Variants in CD96 observed in about 807,000 individuals in gnomAD.
The protein encoded by CD96 is T-cell surface protein tactile.
In CD96, 70 loss-of-function variants were observed where a neutral mutation model predicts 71.3. The observed-to-expected ratio is 0.98, with a 90% CI of 0.81 to 1.20. The LOEUF (loss-of-function observed/expected upper bound fraction) is 1.20, where lower values mean the gene tolerates loss of function less well. CD96 is among the 50% of genes most tolerant of loss of function. The pLI is 0.00. For synonymous variants in CD96, 248 were observed against 233.0 expected (o/e 1.06, Z -0.59); for missense variants, 742 against 677.5 (o/e 1.10, Z -1.06).
At chr3:111,542,865 C>T (rs1056709514) in intron 1 of CD96, among the ~76,000 whole-genome samples, 12 of 152,098 alleles carry the variant, frequency 7.9e-5, no homozygotes, top group African/African-American at 2.7e-4. Context: ...GAACGAGAGC[C>T]TAATGGGCCT....
chr3:111,570,977 G>GA (rs1351855205), intron 3 of CD96: 13 of 1,527,596 alleles, frequency 8.5e-6, no homozygotes, highest in Non-Finnish European at 1.2e-5. Context: ...CCACCAGAGT[G>GA]AAAAGCTGGG....
chr3:111,608,732 G>A (rs1018106117), intron 8 of CD96, among the ~76,000 whole-genome samples: 3 of 152,172 alleles, frequency 2.0e-5, no homozygotes, highest in African/African-American at 4.8e-5. Flanking sequence ...ACAGAGTAGA[G>A]AGTCAAAAAC....
chr3:111,548,676 T>C (rs1934539423), intron 2 of CD96, among the ~76,000 whole-genome samples: 1 of 152,178 alleles, frequency 6.6e-6, no homozygotes, highest in Non-Finnish European at 1.5e-5. Context: ...AATGCCTTGG[T>C]GGGCTGTTAA....
chr3:111,645,336 A>G (rs1439150051), intron 12 of CD96, among the ~76,000 whole-genome samples: 1 of 152,120 alleles, frequency 6.6e-6, no homozygotes, highest in Non-Finnish European at 1.5e-5. Context: ...ACGCAAAGAC[A>G]TAAGAATGAC....
intron 4 of CD96, among the ~76,000 whole-genome samples, chr3:111,584,764 G>A (rs961791583): frequency 2.0e-5 from 3 of 152,122 alleles, no homozygotes; most frequent in Admixed American, 2.0e-4. Flanking sequence ...CACAACACAT[G>A]GGAATTCTGG....
intron 5 of CD96, among the ~76,000 whole-genome samples, chr3:111,588,247 A>G (rs1294967462): frequency 6.6e-6 from 1 of 152,218 alleles, no homozygotes; most frequent in African/African-American, 2.4e-5. Context: ...TAAATCATCT[A>G]TCTTAAGTTC....
rs185599439 is a variant in CD96 at position 111,577,296 on chromosome 3, A to G, written c.544-1731A>G. 3.9e-5 allele frequency among the ~76,000 whole-genome samples: 6 copies of G among 152,264 alleles called. No individual in the cohort carries two copies. The East Asian group carries it at 1.2e-3, about 29-fold the overall frequency. ...AACTCTAAAATCCTGACACACAAAAAAGCAAGAGGCTGCCAAACGTACCTG... is the reference window on the plus strand; with the variant it reads ...AACTCTAAAATCCTGACACACAAAAGAGCAAGAGGCTGCCAAACGTACCTG... On this transcript the variant is annotated intron_variant, in intron 3 of 13. Transcript: ENST00000352690.
rs74763644 is a variant in CD96 at position 111,604,900 on chromosome 3, G to T, written c.1088-1800G>T. The stretch of plus-strand genomic sequence containing the variant: ...TAAAAGAAAAAAAGGGAAAAACTGT[G>T]TTCCAATAAAATTTTTATAAACATG... On this transcript the variant is annotated intron_variant, in intron 7 of 13. Transcript: ENST00000352690. 7.8e-3 allele frequency among the ~76,000 whole-genome samples: 1,184 copies of T among 152,266 alleles called. 13 individuals are homozygous for T. The highest frequency in any genetic ancestry group is 0.027 in the African/African-American group (1,113 of 41,546).
chr3:111,644,000 T>G lies in CD96; in HGVS notation c.1478-3543T>G, dbSNP rs1227645320. Among the ~76,000 whole-genome samples, 4 of 152,140 alleles carry G rather than the reference T, an allele frequency of 2.6e-5. No individual in the cohort carries two copies. In the East Asian group the frequency reaches 7.7e-4, roughly 29 times the overall value. ...AGAAAAAACAATCCTAAAATTCATA[T>G]GGAACCAAAAAAGAGCCCACATAAC... On this transcript the variant is annotated intron_variant, in intron 12 of 13. Transcript: ENST00000352690.
At chr3:111,583,829 G>A (rs1040208333) in intron 4 of CD96, among the ~76,000 whole-genome samples, 4 of 152,218 alleles carry the variant, frequency 2.6e-5, no homozygotes, top group African/African-American at 4.8e-5. Context: ...TTCCTCCTGG[G>A]CCTCTGGACC....
chr3:111,649,924 G>C lies in CD96; in HGVS notation c.*118G>C. 1.3e-6 allele frequency: 1 copy of C among 755,132 alleles called. No individual in the cohort carries two copies. The highest frequency in any genetic ancestry group is 2.4e-6 in the Non-Finnish European group (1 of 425,148). 46.8% of individuals were successfully genotyped at this position (755,132 alleles called of 1,614,324 possible). A position where few individuals can be genotyped will look rare whatever the true frequency, so the allele number is the denominator to read the frequency against. On this transcript the variant is annotated 3_prime_UTR_variant, in exon 14 of 14. Coordinates refer to ENST00000352690, the MANE Select transcript of CD96 (RefSeq NM_005816.5). ...TGCCTTTGCTGCAGCTGAAATGGAA[G>C]TCAGAAGTGAGTGACCTGTTTTCCC...
At chr3:111,601,757 A>T (rs1937506787) in intron 7 of CD96, among the ~76,000 whole-genome samples, 1 of 152,246 alleles carries the variant, frequency 6.6e-6, no homozygotes, top group African/African-American at 2.4e-5. Context: ...TAACATACTC[A>T]TAAAAACACA....
chr3:111,568,596 C>A (rs1011005021), intron 3 of CD96, among the ~76,000 whole-genome samples: 3 of 152,170 alleles, frequency 2.0e-5, no homozygotes, highest in African/African-American at 7.2e-5. Flanking sequence ...TGTCCCTTAA[C>A]AAAACTGCAT....
chr3:111,576,116 C>T (rs1415703962), intron 3 of CD96, among the ~76,000 whole-genome samples: 1 of 152,312 alleles, frequency 6.6e-6, no homozygotes, highest in East Asian at 1.9e-4. Flanking sequence ...TATGTTACCT[C>T]ATTAAATCTA....
At chr3:111,632,085 A>G (rs1939093150) in intron 10 of CD96, among the ~76,000 whole-genome samples, 1 of 152,206 alleles carries the variant, frequency 6.6e-6, no homozygotes, top group Non-Finnish European at 1.5e-5. Context: ...TGAAGATGCC[A>G]AAAGCAATTG....
chr3:111,658,732 A>C (rs923745473), intron 14 of CD96, among the ~76,000 whole-genome samples: 1 of 152,204 alleles, frequency 6.6e-6, no homozygotes, highest in African/African-American at 2.4e-5. Context: ...TCACCTATGG[A>C]GTATTAGGGC....
chr3:111,557,818 T>C (rs1935151319), intron 2 of CD96, among the ~76,000 whole-genome samples: 1 of 130,446 alleles, frequency 7.7e-6, no homozygotes, highest in East Asian at 2.3e-4. Context: ...TTTCACGATA[T>C]TGATTCTTCC....
At position 111,646,478 on chromosome 3, in the gene CD96, T is replaced by C. The variant is rs533575756; in HGVS notation, c.1478-1065T>C. On this transcript the variant is annotated intron_variant, in intron 12 of 13. Transcript: ENST00000352690. ...TCAAAATCACTAATCACTAGAGAAA[T>C]GCAAATTAAAACCACGATAAGATAC... is the stretch of plus-strand genomic sequence containing the variant. Among the ~76,000 whole-genome samples the C allele has an allele frequency of 2.1e-4, 31 of 151,020 alleles. 1 individual carries two copies. Among genetic ancestry groups the C allele is most frequent in the Admixed American group, 1.7e-3 (26 of 15,148 alleles).
intron 7 of CD96, among the ~76,000 whole-genome samples, chr3:111,603,597 A>T (rs73230108): frequency 0.097 from 14,689 of 152,216 alleles, 934 homozygotes; most frequent in Non-Finnish European, 0.14. Context: ...TTAATGCAAA[A>T]GTTGAGTGCA....
Sources: allele counts gnomAD v4.1 joint callset (sites outside exome capture counted in the v4.1 genomes callset), GRCh38; gene constraint gnomAD v4.1.1; transcripts MANE v1.5; gene names NCBI Gene and HGNC (gene_info 2026-07-23, HGNC 2026-07-21).